Variants in TJP1 observed in about 807,000 individuals in gnomAD.
TJP1 encodes tight junction protein ZO-1.
In TJP1, 43 loss-of-function variants were observed where a neutral mutation model predicts 194.2. The observed-to-expected ratio is 0.22, with a 90% CI of 0.17 to 0.29. The LOEUF (loss-of-function observed/expected upper bound fraction) is 0.29. Among genes scored for constraint, TJP1 ranks in the 10% least tolerant of loss-of-function variants. The pLI, the probability that TJP1 is intolerant of heterozygous loss-of-function variation, is 1.00. For missense variants in TJP1, 1,971 were observed against 2,185.7 expected, an observed-to-expected ratio of 0.90 and a Z score of 1.96; for synonymous variants, 801 against 779.0, an observed-to-expected ratio of 1.03 and a Z score of -0.47.
chr15:29,764,606 T>C (rs1039276476), intron 5 of TJP1, among the ~76,000 whole-genome samples: 2 of 152,050 alleles, frequency 1.3e-5, no homozygotes, highest in African/African-American at 4.8e-5. Context: ...AAGAGTGGTA[T>C]TCAGGAGTGA....
chr15:29,715,396 G>C (rs1188768550), intron 23 of TJP1, among the ~76,000 whole-genome samples: 2 of 152,072 alleles, frequency 1.3e-5, no homozygotes, highest in Non-Finnish European at 2.9e-5. Flanking sequence ...CTTAAATATA[G>C]GACAGTGAAA....
intron 2 of TJP1, among the ~76,000 whole-genome samples, chr15:29,868,932 C>A (rs994820618): frequency 6.6e-5 from 10 of 151,864 alleles, no homozygotes; most frequent in Middle Eastern, 3.2e-3. Flanking sequence ...AAGAAATAAT[C>A]GACACAGCTC....
chr15:29,849,621 C>T (rs1055619705), intron 2 of TJP1, among the ~76,000 whole-genome samples: 1 of 151,790 alleles, frequency 6.6e-6, no homozygotes, highest in Non-Finnish European at 1.5e-5. Context: ...TGCCTGTAAT[C>T]CTAGCTACTC....
chr15:29,786,335 T>C (rs2151771489), intron 2 of TJP1, among the ~76,000 whole-genome samples: 1 of 152,310 alleles, frequency 6.6e-6, no homozygotes, highest in African/African-American at 2.4e-5. Context: ...AGACTGTCAT[T>C]TTCTCTATAA....
chr15:29,766,348 C>G lies in TJP1; in HGVS notation c.507G>C (p.Pro169=). ...RSASRERSLS[P]RSDRRSVASS... is the part of the protein sequence containing the mutation. ...AAGCCACTGACCGCCTGTCTGACCG[C>G]GGGGACAAGCTCCTCTCTCTACTTG... The change falls in exon 5 of 28, where the codon CCG becomes CCC. Residue 169 remains proline, a synonymous_variant. Transcript: ENST00000614355. 6.2e-7 allele frequency: 1 copy of G among 1,614,228 alleles called. No homozygotes were observed. Among genetic ancestry groups the G allele is most frequent in the Non-Finnish European group, 8.5e-7 (1 of 1,180,038 alleles).
At chr15:29,821,125 GA>G (rs1308899725) in intron 1 of TJP1, among the ~76,000 whole-genome samples, 1 of 152,114 alleles carries the variant, frequency 6.6e-6, no homozygotes, top group Non-Finnish European at 1.5e-5. Context: ...ATTTTATGAT[GA>G]AAAAATTAAT....
upstream of TJP1, among the ~76,000 whole-genome samples, chr15:29,827,221 T>C (rs568448579): frequency 6.6e-6 from 1 of 152,182 alleles, no homozygotes; most frequent in Non-Finnish European, 1.5e-5. Flanking sequence ...TAAGGATCCT[T>C]GGTGGTTACC....
intron 2 of TJP1, among the ~76,000 whole-genome samples, chr15:29,947,865 G>C (rs796291368): frequency 1.3e-5 from 2 of 152,146 alleles, no homozygotes; most frequent in African/African-American, 4.8e-5. Flanking sequence ...GGAACAGTGC[G>C]GAAGGCTGGT....
rs75148852 is a variant in TJP1 at position 29,873,365 on chromosome 15, G to A, written c.307-72663C>T. On this transcript the variant is annotated intron_variant, in intron 2 of 28. Coordinates refer to the TJP1 transcript ENST00000356107. The stretch of plus-strand genomic sequence containing the variant: ...ATTAGCTGTTCCCAAATTCAAAGGC[G>A]ACATCCCTCACAGCAAAAACCTAAC... Among the ~76,000 whole-genome samples the A allele has an allele frequency of 9.7e-3, 1,478 of 152,172 alleles. 8 individuals carry two copies. The highest frequency in any genetic ancestry group is 0.016 in the Non-Finnish European group (1,061 of 68,004).
intron 2 of TJP1, among the ~76,000 whole-genome samples, chr15:29,867,931 C>T (rs1386777511): frequency 6.6e-6 from 1 of 151,814 alleles, no homozygotes; most frequent in Non-Finnish European, 1.5e-5. Flanking sequence ...TGGTGCATGC[C>T]AGTAGTCCCA....
At chr15:29,808,725 G>A (rs2049281553) in intron 1 of TJP1, among the ~76,000 whole-genome samples, 1 of 152,112 alleles carries the variant, frequency 6.6e-6, no homozygotes, top group Non-Finnish European at 1.5e-5. Flanking sequence ...AGTAGATGAA[G>A]GAGAGTTTCT....
chr15:29,777,291 C>CCA (rs1343676325), intron 2 of TJP1, among the ~76,000 whole-genome samples: 1 of 152,050 alleles, frequency 6.6e-6, no homozygotes, highest in East Asian at 1.9e-4. Context: ...GCTACAAAGC[C>CCA]CACAGTTTTA....
At chr15:29,845,844 C>A (rs1247110936) in intron 2 of TJP1, among the ~76,000 whole-genome samples, 1 of 152,148 alleles carries the variant, frequency 6.6e-6, no homozygotes, top group Non-Finnish European at 1.5e-5. Context: ...TACTAATAAT[C>A]TAACATAGTT....
chr15:29,849,070 A>G (rs1194422908), intron 2 of TJP1, among the ~76,000 whole-genome samples: 1 of 152,186 alleles, frequency 6.6e-6, no homozygotes, highest in Non-Finnish European at 1.5e-5. Flanking sequence ...CAAGAGAAAA[A>G]AAGAGTAGAA....
At chr15:29,748,922 ATGTGTGTGTG>A (rs112772922) in intron 8 of TJP1, among the ~76,000 whole-genome samples, 159 of 104,692 alleles carry the variant, frequency 1.5e-3, no homozygotes, top group African/African-American at 4.2e-3. Flanking sequence ...AAGCTTAAAA[ATGTGTGTGTG>A]TGTGTGTGTG....
intron 12 of TJP1, 78 bp from the exon 13 acceptor site, chr15:29,733,391 G>T: frequency 1.0e-6 from 1 of 978,206 alleles, no homozygotes; most frequent in Non-Finnish European, 1.5e-6. Context: ...ATGTAAAGAT[G>T]CTATGATAAT....
intron 2 of TJP1, among the ~76,000 whole-genome samples, chr15:29,900,453 C>A (rs2053601719): frequency 6.6e-6 from 1 of 152,134 alleles, no homozygotes; most frequent in Non-Finnish European, 1.5e-5. Context: ...TACTAGGAGG[C>A]TACTTCAACA....
At chr15:29,796,955 C>T (rs909882731) in intron 2 of TJP1, among the ~76,000 whole-genome samples, 2 of 64,556 alleles carry the variant, frequency 3.1e-5, no homozygotes. Flanking sequence ...AAACACTGGA[C>T]ATCTGTATGA....
At chr15:29,832,245 G>C (rs986870528) in intron 2 of TJP1, among the ~76,000 whole-genome samples, 1 of 152,146 alleles carries the variant, frequency 6.6e-6, no homozygotes, top group African/African-American at 2.4e-5. Context: ...CACAGGAGAA[G>C]TTCAGACTAG....
Sources: gnomAD v4.1 joint callset for allele counts (sites outside exome capture counted in the v4.1 genomes callset) on GRCh38, gnomAD v4.1.1 for gene constraint, MANE v1.5 for transcripts, NCBI Gene and HGNC (gene_info 2026-07-23, HGNC 2026-07-21) for gene names.